COL3A1: variants seen among roughly 807,000 people sequenced by gnomAD.
COL3A1 encodes the protein collagen type III alpha 1 chain, also known as collagen alpha-1(III) chain.
Under a neutral mutation model 200.9 loss-of-function variants are expected in COL3A1, and 46 were observed. The observed-to-expected ratio is 0.23, with a 90% CI of 0.18 to 0.29. The LOEUF is 0.29. Among genes scored for constraint, COL3A1 ranks in the 10% least tolerant of loss-of-function variants. The pLI is 1.00. For missense variants in COL3A1, 1,367 were observed against 1,917.6 expected, an observed-to-expected ratio of 0.71 and a Z score of 5.36; for synonymous variants, 650 against 628.0, an observed-to-expected ratio of 1.03 and a Z score of -0.52.
In COL3A1 at chr2:188,997,684, C is replaced by G. The variant is rs749356129; in HGVS notation, c.1870-16C>G. 6.2e-7 allele frequency: 1 copy of G among 1,610,704 alleles called. No individual in the cohort carries two copies. Among genetic ancestry groups the G allele is most frequent in the African/African-American group, 1.3e-5 (1 of 74,982 alleles). The stretch of plus-strand genomic sequence containing the variant: ...AAAGGATGTTTACAACAGAGTGTAT[C>G]ATTATACTTTTCTAGGGGCCTGGTG... On this transcript the variant is annotated splice_polypyrimidine_tract_variant and intron_variant, in intron 26 of 50. Coordinates refer to ENST00000304636, the MANE Select transcript of COL3A1 (RefSeq NM_000090.4).
chr2:189,005,751 C>T (rs1368601348), intron 41 of COL3A1: 12 of 302,506 alleles, frequency 4.0e-5, no homozygotes, highest in Admixed American at 9.6e-5. Context: ...AAATATTCTA[C>T]GGTTATCTAT....
At chr2:188,987,622 A>G (rs993312464) in intron 5 of COL3A1, among the ~76,000 whole-genome samples, 33 of 152,130 alleles carry the variant, frequency 2.2e-4, no homozygotes, top group African/African-American at 6.5e-4. Flanking sequence ...TGATAGATAT[A>G]TCAACATAAT....
chr2:188,997,782 C>T (rs766375640), intron 27 of COL3A1, 29 bp downstream of exon 27: 29 of 1,605,420 alleles, frequency 1.8e-5, no homozygotes, highest in Middle Eastern at 1.7e-4. Context: ...AATGTCACGG[C>T]ATATCTGACT....
chr2:188,981,203 A>G lies in COL3A1; in HGVS notation c.80-3557A>G, dbSNP rs565916042. Reference sequence around the variant, plus strand: ...TATGCACATCTAAAAATATAAAATTATGTTATTTGGCTTTATTTTTCTCTA... The same window carrying G: ...TATGCACATCTAAAAATATAAAATTGTGTTATTTGGCTTTATTTTTCTCTA... On this transcript the variant is annotated intron_variant, in intron 1 of 50. Coordinates refer to ENST00000304636, the MANE Select transcript of COL3A1 (RefSeq NM_000090.4). Among the ~76,000 whole-genome samples, 5 of 151,694 alleles carry G rather than the reference A, an allele frequency of 3.3e-5. No homozygotes were observed. In the East Asian group the frequency reaches 5.8e-4, roughly 18 times the overall value.
In COL3A1 at chr2:189,002,942, T is replaced by C. The variant is rs752325233; in HGVS notation, c.2446-13T>C. On this transcript the variant is annotated splice_polypyrimidine_tract_variant and intron_variant, in intron 35 of 50. Coordinates refer to ENST00000304636, the MANE Select transcript of COL3A1 (RefSeq NM_000090.4). ...AGTGTCAGCTGAGAGATTGCTGTTG[T>C]TGTTGCATGTAGGGACAGAATGGTG... 1.0e-5 allele frequency: 16 copies of C among 1,530,806 alleles called. 1 individual carries two copies. In the South Asian group the frequency reaches 1.9e-4, roughly 18 times the overall value. The allele number at this position is 1,530,806 out of a possible 1,614,324, so 94.8% of individuals were successfully genotyped here.
intron 39 of COL3A1, 35 bp from the exon 40 acceptor site, chr2:189,004,222 A>G (rs1367690784): frequency 1.9e-6 from 3 of 1,602,876 alleles, no homozygotes; most frequent in Non-Finnish European, 1.7e-6. Flanking sequence ...ACACTGTCAC[A>G]TAAAGATGAG....
intron 21 of COL3A1, 50 bp from the exon 22 acceptor site, chr2:188,995,642 A>T: frequency 8.1e-7 from 1 of 1,238,584 alleles, no homozygotes; most frequent in East Asian, 2.5e-5. Context: ...GTTGCTATCT[A>T]GGTTAGTGAA....
chr2:188,981,385 T>G (rs909942222), intron 1 of COL3A1, among the ~76,000 whole-genome samples: 1 of 151,364 alleles, frequency 6.6e-6, no homozygotes, highest in African/African-American at 2.4e-5. Flanking sequence ...AGAATTGTAC[T>G]TCGTAGTAAG....
chr2:189,003,928 A>G, intron 38 of COL3A1, 54 bp from the exon 39 acceptor site: 1 of 1,566,816 alleles, frequency 6.4e-7, no homozygotes, highest in Non-Finnish European at 8.7e-7. Flanking sequence ...AAAAAAAGAA[A>G]GAAAAAATGC....
In COL3A1 at chr2:189,007,792, A is replaced by G. The variant is rs988271536; in HGVS notation, c.3364-93A>G. On this transcript the variant is annotated intron_variant, in intron 45 of 50. Transcript: ENST00000304636. Reference sequence around the variant, plus strand: ...TTAAAGAAAGAAAAAAAATTTCATCATGATCCCCATGTTTCTTGATCTGAT... The same window carrying G: ...TTAAAGAAAGAAAAAAAATTTCATCGTGATCCCCATGTTTCTTGATCTGAT... 48 of 1,492,042 alleles carry G rather than the reference A, an allele frequency of 3.2e-5. No homozygotes were observed. In the African/African-American group the frequency reaches 6.2e-4, roughly 19 times the overall value. The allele number at this position is 1,492,042 out of a possible 1,614,324, so 92.4% of individuals were successfully genotyped here. A position where few individuals can be genotyped will look rare whatever the true frequency, so the allele number is the denominator to read the frequency against.
Position 189,011,887 on chromosome 2 carries a change from CA to C in COL3A1, c.*117del, listed in dbSNP as rs1688737875. The C allele has an allele frequency of 9.8e-6, 12 of 1,223,386 alleles. No individual in the cohort carries two copies. The South Asian group carries it at 1.5e-4, about 16-fold the overall frequency. 75.8% of individuals were successfully genotyped at this position (1,223,386 alleles called of 1,614,324 possible). A position where few individuals can be genotyped will look rare whatever the true frequency, so the allele number is the denominator to read the frequency against. ...CGACAAAATTCCAGTTATTTATTTC[CA>C]AAATGTTTGGAAACAGTATAATTTG... On this transcript the variant is annotated 3_prime_UTR_variant, in exon 51 of 51. Coordinates refer to ENST00000304636, the MANE Select transcript of COL3A1 (RefSeq NM_000090.4).
At chr2:189,007,768 TA>T in intron 45 of COL3A1, 116 bp from the exon 46 acceptor site, 1 of 1,374,994 alleles carries the variant, frequency 7.3e-7, no homozygotes, top group Non-Finnish European at 1.0e-6. Context: ...ATGGGAAGAT[TA>T]AAGAAAGAAA....
At chr2:188,986,620 A>G (rs1271167168) in intron 4 of COL3A1, among the ~76,000 whole-genome samples, 1 of 151,964 alleles carries the variant, frequency 6.6e-6, no homozygotes, top group African/African-American at 2.4e-5. Flanking sequence ...AATCCAGGGG[A>G]TATGAATTTT....
intron 47 of COL3A1, 159 bp from the exon 48 acceptor site, chr2:189,008,765 T>C (rs1688651706): frequency 1.4e-6 from 1 of 716,618 alleles, no homozygotes; most frequent in Admixed American, 2.3e-5. Context: ...AAATCGGTGA[T>C]CACGTGACCC....
chr2:189,008,921 T>C lies in COL3A1; in HGVS notation c.3526-3T>C, dbSNP rs1688654372. On this transcript the variant is annotated splice_region_variant and splice_polypyrimidine_tract_variant and intron_variant, in intron 47 of 50. Transcript: ENST00000304636. ...TCAATGATCCATGTTTTACTCATTCTAGGGCTCCCCAGGCCACCCAGGGCA... is the reference window on the plus strand; with the variant it reads ...TCAATGATCCATGTTTTACTCATTCCAGGGCTCCCCAGGCCACCCAGGGCA... 3 of 1,613,652 alleles carry C rather than the reference T, an allele frequency of 1.9e-6. No individual in the cohort carries two copies. In the East Asian group the frequency reaches 6.7e-5, roughly 36 times the overall value.
rs1688290254 is a variant in COL3A1 at position 188,995,678 on chromosome 2, C to A, written c.1510-14C>A. On this transcript the variant is annotated splice_polypyrimidine_tract_variant and intron_variant, in intron 21 of 50. Coordinates refer to ENST00000304636, the MANE Select transcript of COL3A1 (RefSeq NM_000090.4). ...GGCTATTTTAATTTTTTTAAAATTT[C>A]TTTCACTACTTAGGGTCCTGCTGGA... 7 of 1,541,052 alleles carry A rather than the reference C, an allele frequency of 4.5e-6. No individual in the cohort carries two copies. Among genetic ancestry groups the A allele is most frequent in the African/African-American group, 1.4e-5 (1 of 72,868 alleles).
At chr2:189,005,251 T>C in intron 40 of COL3A1, 99 bp from the exon 41 acceptor site, 1 of 1,114,484 alleles carries the variant, frequency 9.0e-7, no homozygotes. Context: ...GAAGATTAAA[T>C]AAAATAAGTT....
In COL3A1 at chr2:189,003,017, A is replaced by G. The variant is rs1454937456; in HGVS notation, c.2508A>G (p.Gly836=). 1 of 1,551,622 alleles carries G rather than the reference A, an allele frequency of 6.4e-7. No homozygotes were observed. The highest frequency in any genetic ancestry group is 1.2e-5 in the South Asian group (1 of 84,060). Residue 836 remains glycine, a synonymous_variant, in exon 36 of 51, where the codon GGA becomes GGG. Coordinates refer to ENST00000304636, the MANE Select transcript of COL3A1 (RefSeq NM_000090.4). ...GGGCTCCGGGTGAGAAAGGTGAAGG[A>G]GGCCCTCCTGGAGTTGCAGGACCCC... ...ERGAPGEKGE[G]GPPGVAGPPG...
At position 188,984,946 on chromosome 2, in the gene COL3A1, C is replaced by T. The variant is rs139610730; in HGVS notation, c.266C>T (p.Pro89Leu). 201 of 1,612,754 alleles carry T rather than the reference C, an allele frequency of 1.2e-4. No individual in the cohort carries two copies. Among genetic ancestry groups the T allele is most frequent in the Non-Finnish European group, 1.6e-4 (194 of 1,179,330 alleles). Residue 89 changes from proline to leucine, a missense_variant, in exon 2 of 51, where the codon CCA becomes CTA. Coordinates refer to ENST00000304636, the MANE Select transcript of COL3A1 (RefSeq NM_000090.4). ...IPFGECCAVC[P>L]QPPTAPTRPP... is the part of the protein sequence containing the mutation. ...TTTGGAGAATGTTGTGCAGTTTGCCCACAGCCTCCAACTGCTGTGAGTTTA... is the reference window on the plus strand; with the variant it reads ...TTTGGAGAATGTTGTGCAGTTTGCCTACAGCCTCCAACTGCTGTGAGTTTA...
Sources: gnomAD v4.1 joint callset for allele counts (sites outside exome capture counted in the v4.1 genomes callset) on GRCh38, gnomAD v4.1.1 for gene constraint, MANE v1.5 for transcripts, NCBI Gene and HGNC (gene_info 2026-07-23, HGNC 2026-07-21) for gene names.